PKHD1: variants seen among roughly 807,000 people sequenced by gnomAD.
PKHD1 encodes the protein PKHD1 ciliary IPT domain containing fibrocystin/polyductin.
In PKHD1, 291 loss-of-function variants were observed where a neutral mutation model predicts 412.0. That is an observed-to-expected ratio of 0.71 (90% CI 0.64 to 0.78). The LOEUF (loss-of-function observed/expected upper bound fraction) is 0.78. PKHD1 is among the 30% of genes least tolerant of loss of function. PKHD1 has a pLI of 0.00. For missense variants in PKHD1, 4,825 were observed against 4,950.7 expected (o/e 0.97, Z 0.76); for synonymous variants, 1,777 against 1,821.5 (o/e 0.98, Z 0.62).
chr6:51,794,513 CTTTAG>C (rs1341397681), intron 52 of PKHD1, among the ~76,000 whole-genome samples: 3 of 152,132 alleles, frequency 2.0e-5, no homozygotes, highest in African/African-American at 4.8e-5. Flanking sequence ...TGCAGAAGCT[CTTTAG>C]TTTAATTATA....
chr6:51,731,062 A>G (rs892947075), intron 60 of PKHD1, among the ~76,000 whole-genome samples: 5 of 152,174 alleles, frequency 3.3e-5, no homozygotes, highest in African/African-American at 1.2e-4. Flanking sequence ...CTGGTATTAT[A>G]GGTGTGCACC....
Position 52,017,088 on chromosome 6 carries a change from ATAACGTC to A in PKHD1, c.5600+315_5600+321del, listed in dbSNP as rs1396144434. On this transcript the variant is annotated intron_variant, in intron 34 of 66. Coordinates refer to ENST00000371117, the MANE Select transcript of PKHD1 (RefSeq NM_138694.4). Reference sequence around the variant, plus strand: ...GCGGGGAAAAAGCCTTCTGTTTTTCATAACGTCTAATCTTTTTCCCCATTGGCATTCA... The same window carrying A: ...GCGGGGAAAAAGCCTTCTGTTTTTCATAATCTTTTTCCCCATTGGCATTCA... Among the ~76,000 whole-genome samples the A allele has an allele frequency of 2.0e-5, 3 of 152,238 alleles. No individual in the cohort carries two copies. In the East Asian group the frequency reaches 5.8e-4, roughly 29 times the overall value.
chr6:51,941,248 T>C (rs1788484570), intron 36 of PKHD1, among the ~76,000 whole-genome samples: 1 of 120,704 alleles, frequency 8.3e-6, no homozygotes, highest in Admixed American at 8.3e-5. Flanking sequence ...TTTTTTTTTT[T>C]TTTTTTTTTT....
intron 27 of PKHD1, among the ~76,000 whole-genome samples, chr6:52,037,406 AT>A (rs1230419549): frequency 1.3e-5 from 2 of 152,118 alleles, no homozygotes; most frequent in East Asian, 1.9e-4. Context: ...ATATTTACGA[AT>A]TTCCAAAATA....
intron 52 of PKHD1, among the ~76,000 whole-genome samples, chr6:51,798,545 G>A (rs769687321): frequency 6.6e-6 from 1 of 152,016 alleles, no homozygotes; most frequent in Non-Finnish European, 1.5e-5. Context: ...TTCTCTGGTT[G>A]CCTTTAACAT....
chr6:52,043,596 C>G, intron 26 of PKHD1, 29 bp downstream of exon 26: 1 of 1,486,710 alleles, frequency 6.7e-7, no homozygotes, highest in Admixed American at 1.7e-5. Flanking sequence ...CGGCTTAAGC[C>G]CATCTCAGAG....
At chr6:51,649,739 TCCA>T (rs1770641686) in intron 61 of PKHD1, among the ~76,000 whole-genome samples, 1 of 152,086 alleles carries the variant, frequency 6.6e-6, no homozygotes, top group Non-Finnish European at 1.5e-5. Context: ...AACAGCAAAC[TCCA>T]GTACACCACT....
chr6:51,892,727 G>T (rs529101018), intron 43 of PKHD1, among the ~76,000 whole-genome samples: 1 of 152,182 alleles, frequency 6.6e-6, no homozygotes, highest in Admixed American at 6.5e-5. Context: ...GGAAACTATT[G>T]ATATCATTTA....
chr6:51,759,804 AT>A (rs1242997475), intron 55 of PKHD1, among the ~76,000 whole-genome samples: 2 of 152,122 alleles, frequency 1.3e-5, no homozygotes, highest in East Asian at 3.9e-4. Flanking sequence ...ATTAAAGAAA[AT>A]AAAACTGAGG....
chr6:51,781,098 A>C (rs1331724392), intron 53 of PKHD1, among the ~76,000 whole-genome samples: 1 of 152,168 alleles, frequency 6.6e-6, no homozygotes, highest in African/African-American at 2.4e-5. Context: ...GCCCTGCAAT[A>C]GCAATTTTCT....
Position 51,742,598 on chromosome 6 carries a change from G to A in PKHD1, c.10156+1787C>T, listed in dbSNP as rs144978561. Among the ~76,000 whole-genome samples, 143 of 152,150 alleles carry A rather than the reference G, an allele frequency of 9.4e-4. 1 individual carries two copies. In the East Asian group the frequency reaches 0.023, roughly 24 times the overall value. On this transcript the variant is annotated intron_variant, in intron 60 of 66. Coordinates refer to ENST00000371117, the MANE Select transcript of PKHD1 (RefSeq NM_138694.4). ...TTCATTCTGCATGCTCTTGGATGAC[G>A]TGTAACAGCAAACTCTTCTGGCTGG... is the stretch of plus-strand genomic sequence containing the variant.
intron 2 of PKHD1, among the ~76,000 whole-genome samples, chr6:52,083,622 A>G (rs1209697483): frequency 6.6e-6 from 1 of 152,106 alleles, no homozygotes; most frequent in Non-Finnish European, 1.5e-5. Flanking sequence ...TCAAACCCAT[A>G]CTGTCTCTCT....
Position 51,744,394 on chromosome 6 carries a change from A to C in PKHD1, c.10147T>G (p.Phe3383Val). 1 of 1,613,910 alleles carries C rather than the reference A, an allele frequency of 6.2e-7. No individual in the cohort carries two copies. The highest frequency in any genetic ancestry group is 8.5e-7 in the Non-Finnish European group (1 of 1,179,794). The stretch of plus-strand genomic sequence containing the variant: ...TTCAGATATAGCTTACCTGCGTTGA[A>C]GAAGGATGCAGTCCATTCTGCCTCT... The part of the protein sequence containing the change: ...KTEAEWTASF[F>V]NAGTFREEQK... The change falls in exon 60 of 67, where the codon TTC becomes GTC. Residue 3383 changes from phenylalanine to valine, a missense_variant. By Grantham distance (50) the Phe-to-Val change is conservative. Coordinates refer to ENST00000371117, the MANE Select transcript of PKHD1 (RefSeq NM_138694.4).
chr6:51,947,032 A>G (rs987123384), intron 36 of PKHD1, among the ~76,000 whole-genome samples: 1 of 152,214 alleles, frequency 6.6e-6, no homozygotes, highest in South Asian at 2.1e-4. Context: ...TCTTCAAAAG[A>G]GTGGCTATAC....
intron 43 of PKHD1, among the ~76,000 whole-genome samples, chr6:51,903,063 G>A (rs1458483148): frequency 6.6e-6 from 1 of 152,078 alleles, no homozygotes; most frequent in Non-Finnish European, 1.5e-5. Flanking sequence ...TGGTAGTTCA[G>A]GGAGATATTT....
chr6:51,750,821 C>G (rs986547), intron 57 of PKHD1, among the ~76,000 whole-genome samples: 95,144 of 151,992 alleles, frequency 0.63, 30,967 homozygotes, highest in East Asian at 0.85. Flanking sequence ...CTGTTACCCA[C>G]ACTGGAATGC....
chr6:52,009,401 T>C (rs1195493926), intron 35 of PKHD1, among the ~76,000 whole-genome samples: 3 of 152,228 alleles, frequency 2.0e-5, no homozygotes, highest in African/African-American at 7.2e-5. Flanking sequence ...GGAAGCTGAC[T>C]TTTGGATTAG....
chr6:51,771,572 T>C (rs906610396), intron 55 of PKHD1, among the ~76,000 whole-genome samples: 3 of 151,914 alleles, frequency 2.0e-5, no homozygotes, highest in African/African-American at 7.3e-5. Flanking sequence ...TGAGCCAAGA[T>C]TGTGCCATTG....
At chr6:51,969,416 T>G (rs1793323618) in intron 35 of PKHD1, among the ~76,000 whole-genome samples, 1 of 152,178 alleles carries the variant, frequency 6.6e-6, no homozygotes, top group Admixed American at 6.5e-5. Flanking sequence ...AAAAATTTTT[T>G]TAATAGATTT....
Sources: allele counts gnomAD v4.1 joint callset (sites outside exome capture counted in the v4.1 genomes callset), GRCh38; gene constraint gnomAD v4.1.1; transcripts MANE v1.5; gene names NCBI Gene and HGNC (gene_info 2026-07-23, HGNC 2026-07-21).